Variants in DTD1 observed in about 807,000 individuals in gnomAD.
The protein encoded by DTD1 is D-tyrosyl-tRNA deacylase 1 homolog.
DTD1 carries 13 observed loss-of-function variants against 25.6 expected under a neutral mutation model. The observed-to-expected ratio is 0.51, with a 90% CI of 0.33 to 0.81. DTD1 has a LOEUF of 0.81. Among genes scored for constraint, DTD1 ranks in the 30% least tolerant of loss-of-function variants. DTD1 has a pLI of 0.02. For missense variants in DTD1, 193 were observed against 266.4 expected (o/e 0.72, Z 1.92); for synonymous variants, 110 against 103.6 (o/e 1.06, Z -0.37).
intron 5 of DTD1, among the ~76,000 whole-genome samples, chr20:18,760,110 A>G (rs2061355567): frequency 1.3e-5 from 2 of 151,946 alleles, no homozygotes; most frequent in Non-Finnish European, 2.9e-5. Context: ...ACTTCTCTGC[A>G]TTGGTTATTC....
At chr20:18,662,227 G>T (rs1248471178) in intron 4 of DTD1, among the ~76,000 whole-genome samples, 2 of 152,130 alleles carry the variant, frequency 1.3e-5, no homozygotes, top group Non-Finnish European at 2.9e-5. Context: ...CCCATGTTTT[G>T]CCTTGTTAGA....
chr20:18,605,863 A>G (rs1481393492), intron 3 of DTD1, among the ~76,000 whole-genome samples: 1 of 150,042 alleles, frequency 6.7e-6, no homozygotes, highest in Non-Finnish European at 1.5e-5. Flanking sequence ...GGACATAGGC[A>G]TGGACAAGGA....
At chr20:18,674,136 G>C (rs1346497062) in intron 4 of DTD1, among the ~76,000 whole-genome samples, 1 of 151,928 alleles carries the variant, frequency 6.6e-6, no homozygotes, top group Admixed American at 6.6e-5. Flanking sequence ...TTAATATACA[G>C]AGAAACTGTT....
intron 3 of DTD1, among the ~76,000 whole-genome samples, chr20:18,609,961 A>G (rs1178455332): frequency 2.0e-5 from 3 of 152,068 alleles, no homozygotes; most frequent in Non-Finnish European, 4.4e-5. Context: ...CTGAGTAATT[A>G]TTTTTCTTTT....
chr20:18,725,212 G>T (rs2061218866), intron 4 of DTD1, among the ~76,000 whole-genome samples: 1 of 152,206 alleles, frequency 6.6e-6, no homozygotes, highest in African/African-American at 2.4e-5. Flanking sequence ...GGAAGGGATA[G>T]TAACTTTTGG....
At chr20:18,662,352 C>G (rs1348258108) in intron 4 of DTD1, among the ~76,000 whole-genome samples, 1 of 152,136 alleles carries the variant, frequency 6.6e-6, no homozygotes, top group Non-Finnish European at 1.5e-5. Context: ...AACTCCTGAC[C>G]TCAAGCGATC....
intron 4 of DTD1, among the ~76,000 whole-genome samples, chr20:18,733,346 T>C (rs2061245321): frequency 6.6e-6 from 1 of 152,172 alleles, no homozygotes; most frequent in South Asian, 2.1e-4. Flanking sequence ...GGGCAGGTGC[T>C]CAGGTAGGAG....
intron 5 of DTD1, among the ~76,000 whole-genome samples, chr20:18,761,167 G>C (rs775034756): frequency 2.0e-5 from 3 of 152,132 alleles, no homozygotes; most frequent in Non-Finnish European, 4.4e-5. Flanking sequence ...GGAATTCCCT[G>C]GCCCCTTGCG....
At chr20:18,637,643 C>T (rs1041759071) in intron 4 of DTD1, among the ~76,000 whole-genome samples, 1 of 152,138 alleles carries the variant, frequency 6.6e-6, no homozygotes, top group Non-Finnish European at 1.5e-5. Flanking sequence ...CCAGGGTGAT[C>T]GACATCTTAG....
chr20:18,628,329 T>C lies in DTD1; in HGVS notation c.477+96T>C. The C allele has an allele frequency of 3.3e-6, 3 of 903,416 alleles. No individual in the cohort carries two copies. The South Asian group carries it at 4.7e-5, about 14-fold the overall frequency. 56.0% of individuals were successfully genotyped at this position (903,416 alleles called of 1,614,324 possible). On this transcript the variant is annotated intron_variant, in intron 4 of 5. Transcript: ENST00000377452. Reference sequence around the variant, plus strand: ...TCCTCGGTCTGAGGAAATACATCATTGTTGCAACGTTGTATTTATTTTAAT... The same window carrying C: ...TCCTCGGTCTGAGGAAATACATCATCGTTGCAACGTTGTATTTATTTTAAT...
intron 4 of DTD1, among the ~76,000 whole-genome samples, chr20:18,715,183 C>T (rs888880501): frequency 6.6e-6 from 1 of 152,126 alleles, no homozygotes; most frequent in Non-Finnish European, 1.5e-5. Context: ...ACACTGTCCC[C>T]TCCCCCACTC....
chr20:18,708,181 AT>A (rs1491534043), intron 4 of DTD1, among the ~76,000 whole-genome samples: 1 of 96,792 alleles, frequency 1.0e-5, no homozygotes, highest in African/African-American at 4.2e-5. Flanking sequence ...GTATATATAT[AT>A]TTTATATATA....
chr20:18,667,830 A>G (rs1461884971), intron 4 of DTD1, among the ~76,000 whole-genome samples: 1 of 152,070 alleles, frequency 6.6e-6, no homozygotes, highest in Non-Finnish European at 1.5e-5. Context: ...GGGCCAGGTC[A>G]TTTCTCTTCT....
intron 4 of DTD1, chr20:18,674,420 A>G (rs1014757145): frequency 6.6e-6 from 1 of 152,244 alleles, no homozygotes; most frequent in African/African-American, 2.4e-5. Context: ...TTACTTGGAG[A>G]TGACTTCAAG....
Position 18,692,596 on chromosome 20 carries a change from G to A in DTD1, c.478-51504G>A, listed in dbSNP as rs144152357. Among the ~76,000 whole-genome samples the A allele has an allele frequency of 2.0e-5, 3 of 152,354 alleles. No individual in the cohort carries two copies. The East Asian group carries it at 5.8e-4, about 29-fold the overall frequency. ...ACTGATTGAGTTGTTGCTGAGGTCAGTAGCTCAAAGGGATGCACTAAAGGC... is the reference window on the plus strand; with the variant it reads ...ACTGATTGAGTTGTTGCTGAGGTCAATAGCTCAAAGGGATGCACTAAAGGC... On this transcript the variant is annotated intron_variant, in intron 4 of 5. Coordinates refer to ENST00000377452, the MANE Select transcript of DTD1 (RefSeq NM_080820.6).
intron 5 of DTD1, among the ~76,000 whole-genome samples, chr20:18,748,104 G>A (rs1458942531): frequency 6.6e-6 from 1 of 151,796 alleles, no homozygotes; most frequent in African/African-American, 2.4e-5. Flanking sequence ...AACGGGAGAG[G>A]GAGAAACATA....
intron 3 of DTD1, among the ~76,000 whole-genome samples, chr20:18,623,704 A>C (rs1218331361): frequency 6.6e-6 from 1 of 152,144 alleles, no homozygotes; most frequent in Admixed American, 6.6e-5. Context: ...ACAGCCTATT[A>C]ATGGGCCTCC....
At chr20:18,714,185 A>C (rs1272889373) in intron 4 of DTD1, among the ~76,000 whole-genome samples, 1 of 152,232 alleles carries the variant, frequency 6.6e-6, no homozygotes, top group Non-Finnish European at 1.5e-5. Context: ...TTGCCAAGTC[A>C]TTTAACCTCT....
chr20:18,632,440 C>A, intron 4 of DTD1: 1 of 985,494 alleles, frequency 1.0e-6, no homozygotes, highest in Non-Finnish European at 1.2e-6. Context: ...TGGTGCTGGC[C>A]TGTGCCTGGG....
Sources: gnomAD v4.1 joint callset for allele counts (sites outside exome capture counted in the v4.1 genomes callset) on GRCh38, gnomAD v4.1.1 for gene constraint, MANE v1.5 for transcripts, NCBI Gene and HGNC (gene_info 2026-07-23, HGNC 2026-07-21) for gene names.